The following TRAK1 variants were observed in gnomAD, a reference collection of about 807,000 sequenced individuals.
TRAK1 encodes trafficking kinesin-binding protein 1.
In TRAK1, 33 loss-of-function variants were observed where a neutral mutation model predicts 92.1. The observed-to-expected ratio is 0.36, with a 90% confidence interval of 0.27 to 0.48. The LOEUF (loss-of-function observed/expected upper bound fraction) is 0.48. TRAK1 is among the 20% of genes least tolerant of loss of function. TRAK1 has a pLI of 0.99. For missense variants in TRAK1, 1,123 were observed against 1,257.9 expected (o/e 0.89, Z 1.62); for synonymous variants, 521 against 517.3 (o/e 1.01, Z -0.10).
At chr3:42,040,731 G>A (rs1331404158) in intron 1 of TRAK1, among the ~76,000 whole-genome samples, 2 of 150,482 alleles carry the variant, frequency 1.3e-5, no homozygotes, top group South Asian at 2.1e-4. Context: ...GGCTAGAAGC[G>A]CAGTGGCACG....
chr3:42,162,663 T>C (rs9756993), intron 2 of TRAK1, among the ~76,000 whole-genome samples: 117,095 of 152,092 alleles, frequency 0.77, 45,593 homozygotes, highest in East Asian at 0.98. Flanking sequence ...TTAGGTATCT[T>C]AGGGGTCTGG....
At chr3:42,057,189 C>T (rs948737143) in intron 1 of TRAK1, among the ~76,000 whole-genome samples, 1 of 152,180 alleles carries the variant, frequency 6.6e-6, no homozygotes, top group Non-Finnish European at 1.5e-5. Context: ...CTGGGCTGTC[C>T]AGTGCTACTT....
At chr3:42,139,443 G>A (rs968209283) in intron 2 of TRAK1, among the ~76,000 whole-genome samples, 65 of 152,190 alleles carry the variant, frequency 4.3e-4, no homozygotes, top group African/African-American at 1.5e-3. Context: ...GTGGGCCTGG[G>A]TCTCAGGTGC....
At chr3:42,191,900 T>TTTAA (rs1705803721) in intron 7 of TRAK1, among the ~76,000 whole-genome samples, 1 of 126,716 alleles carries the variant, frequency 7.9e-6, no homozygotes, top group Non-Finnish European at 1.6e-5. Context: ...TTGGAATTTT[T>TTTAA]TTTTTTTTTT....
chr3:42,023,587 C>G (rs1258253842), intron 1 of TRAK1, among the ~76,000 whole-genome samples: 1 of 151,708 alleles, frequency 6.6e-6, no homozygotes, highest in Non-Finnish European at 1.5e-5. Context: ...AAGAGATAAG[C>G]CTTTGTTGTT....
chr3:42,222,371 A>G (rs1389495021), intron 15 of TRAK1, among the ~76,000 whole-genome samples: 1 of 152,146 alleles, frequency 6.6e-6, no homozygotes, highest in African/African-American at 2.4e-5. Flanking sequence ...AGGATTCAGG[A>G]GCTCACGGCC....
intron 2 of TRAK1, among the ~76,000 whole-genome samples, chr3:42,152,755 T>C (rs1393169136): frequency 6.6e-6 from 1 of 152,190 alleles, no homozygotes; most frequent in Middle Eastern, 3.2e-3. Context: ...ACCTTTTTAA[T>C]TTTCAAAAGG....
At chr3:42,199,152 C>T (rs1576964950) in intron 10 of TRAK1, 25 bp from the exon 11 acceptor site, 2 of 1,612,666 alleles carry the variant, frequency 1.2e-6, no homozygotes, top group South Asian at 2.2e-5. Context: ...GCTCACTTGA[C>T]ATTTGTCTTT....
At chr3:42,216,380 C>A (rs772488497) in intron 14 of TRAK1, among the ~76,000 whole-genome samples, 1 of 152,174 alleles carries the variant, frequency 6.6e-6, no homozygotes, top group African/African-American at 2.4e-5. Flanking sequence ...CATGGGCCCC[C>A]GAGGAGCATG....
At chr3:42,110,094 GTATATATATATATATATATATATATATA>G (rs375315730) in intron 1 of TRAK1, among the ~76,000 whole-genome samples, 7 of 83,232 alleles carry the variant, frequency 8.4e-5, no homozygotes, top group South Asian at 3.3e-4. Flanking sequence ...AGAACTTAAA[GTATATATATATATATATATATATATATA>G]TATATATATA....
chr3:42,060,845 G>A (rs942179464), intron 1 of TRAK1, among the ~76,000 whole-genome samples: 1 of 151,980 alleles, frequency 6.6e-6, no homozygotes, highest in Non-Finnish European at 1.5e-5. Flanking sequence ...TGGCCAGGCT[G>A]GTCTCGAACT....
At chr3:42,027,936 G>A (rs1430388333) in intron 1 of TRAK1, among the ~76,000 whole-genome samples, 1 of 152,112 alleles carries the variant, frequency 6.6e-6, no homozygotes, top group African/African-American at 2.4e-5. Flanking sequence ...TGCAACCTCC[G>A]CCTCCTGAGT....
intron 9 of TRAK1, among the ~76,000 whole-genome samples, chr3:42,194,218 A>C (rs749096138): frequency 2.0e-5 from 3 of 152,104 alleles, no homozygotes; most frequent in Non-Finnish European, 4.4e-5. Context: ...GGCTTGAAAC[A>C]TGGGTGTGAC....
At position 42,134,054 on chromosome 3, in the gene TRAK1, A is replaced by G. The variant is rs557165641; in HGVS notation, c.286+8440A>G. 2.5e-3 allele frequency among the ~76,000 whole-genome samples: 380 copies of G among 152,246 alleles called. 1 individual carries two copies. The highest frequency in any genetic ancestry group is 8.8e-3 in the African/African-American group (365 of 41,550). On this transcript the variant is annotated intron_variant, in intron 2 of 15. Coordinates refer to ENST00000327628, the MANE Select transcript of TRAK1 (RefSeq NM_001042646.3). ...GGAACACACACATGACCATTTTTCCACTGGGAAAATGCTCAATTCACAAGA... is the reference window on the plus strand; with the variant it reads ...GGAACACACACATGACCATTTTTCCGCTGGGAAAATGCTCAATTCACAAGA...
chr3:42,099,805 C>T (rs985972432), intron 1 of TRAK1, among the ~76,000 whole-genome samples: 3 of 152,196 alleles, frequency 2.0e-5, no homozygotes, highest in African/African-American at 4.8e-5. Context: ...GCTATTTTAA[C>T]TGTTGTTTCT....
intron 1 of TRAK1, among the ~76,000 whole-genome samples, chr3:42,079,477 C>T (rs56207348): frequency 0.54 from 73,068 of 135,546 alleles, 20,290 homozygotes; most frequent in South Asian, 0.68. Context: ...GCTCCTTCTT[C>T]TTTTTTTTTT....
rs1472448795 is a variant in TRAK1, at chr3:42,193,808, C to T, written c.901-16C>T. 6.2e-7 allele frequency: 1 copy of T among 1,613,890 alleles called. No individual in the cohort carries two copies. Among genetic ancestry groups the T allele is most frequent in the Admixed American group, 1.7e-5 (1 of 59,990 alleles). ...CCAAGTATCTTAGGAAGTGATCTAT[C>T]TTTGCCATGCTTTAGTGCGCAGTGG... is the stretch of plus-strand genomic sequence containing the variant. On this transcript the variant is annotated splice_polypyrimidine_tract_variant and intron_variant, in intron 8 of 15. Transcript: ENST00000327628.
intron 1 of TRAK1, among the ~76,000 whole-genome samples, chr3:42,034,046 C>T (rs1287821381): frequency 2.0e-5 from 3 of 152,194 alleles, no homozygotes; most frequent in Non-Finnish European, 4.4e-5. Context: ...CATCTGAAAT[C>T]CTGAGTACAA....
chr3:42,192,056 C>T (rs1192077622), intron 7 of TRAK1, among the ~76,000 whole-genome samples: 1 of 151,558 alleles, frequency 6.6e-6, no homozygotes, highest in South Asian at 2.1e-4. Flanking sequence ...CACCCACCAT[C>T]ATGCCTGGCT....
Sources: gnomAD v4.1 joint callset for allele counts (sites outside exome capture counted in the v4.1 genomes callset) on GRCh38, gnomAD v4.1.1 for gene constraint, MANE v1.5 for transcripts, NCBI Gene and HGNC (gene_info 2026-07-23, HGNC 2026-07-21) for gene names.